Variants in PPIG observed in about 807,000 individuals in gnomAD.
PPIG encodes peptidyl-prolyl cis-trans isomerase G.
A neutral mutation model predicts 87.9 loss-of-function variants in PPIG; 26 were observed. The observed-to-expected ratio is 0.30, with a 90% CI of 0.22 to 0.41. The LOEUF (loss-of-function observed/expected upper bound fraction) is 0.41, where lower values mean the gene tolerates loss of function less well. Among genes scored for constraint, PPIG ranks in the 10% least tolerant of loss-of-function variants. The probability of loss-of-function intolerance (pLI) is 1.00; values close to 1 mark genes in which losing one functional copy is unlikely to be tolerated. For missense variants in PPIG, 722 were observed against 879.4 expected (o/e 0.82, Z 2.26); for synonymous variants, 308 against 276.5 (o/e 1.11, Z -1.13).
chr2:169,623,540 G>A (rs1685808921), intron 9 of PPIG, among the ~76,000 whole-genome samples: 1 of 152,180 alleles, frequency 6.6e-6, no homozygotes, highest in Non-Finnish European at 1.5e-5. Context: ...AGAAGAAATG[G>A]GAGGAGGCAG....
intron 9 of PPIG, among the ~76,000 whole-genome samples, chr2:169,630,085 T>TTA (rs955400506): frequency 2.6e-5 from 4 of 152,132 alleles, no homozygotes; most frequent in African/African-American, 9.6e-5. Context: ...CTAATTCTTG[T>TTA]TATGTTACAC....
intron 1 of PPIG, among the ~76,000 whole-genome samples, chr2:169,595,379 C>T (rs991975957): frequency 1.1e-4 from 17 of 152,122 alleles, no homozygotes; most frequent in Non-Finnish European, 1.5e-4. Context: ...ATGAAGTATC[C>T]GTCTTCTCAA....
chr2:169,636,115 C>T lies in PPIG; in HGVS notation c.1041C>T (p.Ser347=). The T allele has an allele frequency of 6.2e-7, 1 of 1,604,194 alleles. No homozygotes were observed. Among genetic ancestry groups the T allele is most frequent in the Non-Finnish European group, 8.5e-7 (1 of 1,176,634 alleles). ...GPRRYRTPSR[S]RSRDRFRRSE... ...AGCGTTATCGAACTCCTTCCAGATC[C>T]AGATCAAGGGATCGTTTCAGACGTA... Residue 347 remains serine (S), a synonymous_variant, in exon 13 of 14, where the codon TCC becomes TCT. Coordinates refer to ENST00000260970, the MANE Select transcript of PPIG (RefSeq NM_004792.3).
intron 9 of PPIG, among the ~76,000 whole-genome samples, chr2:169,628,379 G>A (rs1391975802): frequency 6.6e-6 from 1 of 152,144 alleles, no homozygotes; most frequent in Admixed American, 6.5e-5. Flanking sequence ...CCATTCTCAA[G>A]TGCAGCAACA....
chr2:169,629,625 G>A (rs1361753666), intron 9 of PPIG, among the ~76,000 whole-genome samples: 4 of 152,166 alleles, frequency 2.6e-5, no homozygotes, highest in Non-Finnish European at 5.9e-5. Flanking sequence ...TCCTTACTGT[G>A]TTATGTAATG....
chr2:169,594,440 C>T (rs1684963410), intron 1 of PPIG, among the ~76,000 whole-genome samples: 1 of 151,768 alleles, frequency 6.6e-6, no homozygotes, highest in South Asian at 2.1e-4. Context: ...AACCCATGGC[C>T]CACACATGAT....
At chr2:169,631,582 GT>G (rs1558901312) in intron 10 of PPIG, 183 bp from the exon 11 acceptor site, 3 of 1,363,964 alleles carry the variant, frequency 2.2e-6, no homozygotes, top group Non-Finnish European at 2.8e-6. Context: ...TGTTTTGTTT[GT>G]TTTTTGATTG....
Position 169,636,567 on chromosome 2 carries a change from G to A in PPIG, c.1309G>A (p.Asp437Asn). Residue 437 changes from aspartate to asparagine, a missense_variant, in exon 14 of 14, where the codon GAC (aspartate) becomes AAC (asparagine). Physicochemically the swap from Asp to Asn is conservative, Grantham distance 23 (BLOSUM62 1). This residue lies in a region of PPIG where 476 missense variants were observed against 483.1 expected (regional missense o/e 0.99). Coordinates refer to ENST00000260970, the MANE Select transcript of PPIG (RefSeq NM_004792.3). ...CCATAAATCTAACAGCAAAGAGAGAGACATCAGAAGAAATTCAGAAAAAGA... is the reference window on the plus strand; with the variant it reads ...CCATAAATCTAACAGCAAAGAGAGAAACATCAGAAGAAATTCAGAAAAAGA... ...KDHKSNSKER[D>N]IRRNSEKDDK... The A allele has an allele frequency of 6.3e-7, 1 of 1,597,594 alleles. No homozygotes were observed. Among genetic ancestry groups the A allele is most frequent in the Non-Finnish European group, 8.5e-7 (1 of 1,175,992 alleles).
At chr2:169,615,160 T>G (rs778673383) in intron 9 of PPIG, among the ~76,000 whole-genome samples, 2 of 152,150 alleles carry the variant, frequency 1.3e-5, no homozygotes, top group African/African-American at 2.4e-5. Flanking sequence ...GCAATTCTCC[T>G]GCCTTAGCCT....
Position 169,633,247 on chromosome 2 carries a change from G to C in PPIG, c.1017G>C (p.Arg339Ser). Residue 339 changes from arginine to serine, a missense_variant and splice_region_variant, in exon 12 of 14, where the codon AGG becomes AGC. This residue lies in a region of PPIG where 476 missense variants were observed against 483.1 expected (regional missense o/e 0.99). Coordinates refer to ENST00000260970, the MANE Select transcript of PPIG (RefSeq NM_004792.3). ...SGRKIKGRGP[R>S]RYRTPSRSRS... ...GGAAAATTAAAGGAAGAGGACCAAG[G>C]GTAGGTGATTCTTTCCCCAGAGATC... 6.3e-7 allele frequency: 1 copy of C among 1,577,110 alleles called. No homozygotes were observed. Among genetic ancestry groups the C allele is most frequent in the Non-Finnish European group, 8.7e-7 (1 of 1,150,002 alleles).
chr2:169,596,099 C>T (rs1323941584), intron 1 of PPIG, among the ~76,000 whole-genome samples: 9 of 143,138 alleles, frequency 6.3e-5, no homozygotes, highest in South Asian at 2.2e-4. Context: ...CCACTGCGCC[C>T]GGCCTTTTTG....
At chr2:169,601,307 A>G (rs1444278095) in intron 1 of PPIG, among the ~76,000 whole-genome samples, 1 of 152,194 alleles carries the variant, frequency 6.6e-6, no homozygotes, top group Non-Finnish European at 1.5e-5. Context: ...CATTCATTTA[A>G]TAAACACTGA....
chr2:169,624,678 C>A (rs1052340627), intron 9 of PPIG, among the ~76,000 whole-genome samples: 1 of 152,160 alleles, frequency 6.6e-6, no homozygotes, highest in African/African-American at 2.4e-5. Flanking sequence ...AGCTCCACCT[C>A]CCTGGTTCAC....
Position 169,630,864 on chromosome 2 carries a change from C to A in PPIG, c.638C>A (p.Ser213Tyr). 1 of 1,612,766 alleles carries A rather than the reference C, an allele frequency of 6.2e-7. No homozygotes were observed. The highest frequency in any genetic ancestry group is 8.5e-7 in the Non-Finnish European group (1 of 1,179,336). The change falls in exon 10 of 14, where the codon TCT becomes TAT. Residue 213 changes from serine to tyrosine, a missense_variant. Ser to Tyr is a moderately radical substitution (Grantham distance 144, BLOSUM62 -2). Around this residue, in one of 4 missense-constraint regions of PPIG, gnomAD observed 142 missense variants for 152.8 expected, o/e 0.93. Transcript: ENST00000260970. Reference sequence around the variant, plus strand: ...GATAGCTCAAGTGATTCTCAGTCCTCTTCTGATTCCTCTGATTCCGAAAGT... The same window carrying A: ...GATAGCTCAAGTGATTCTCAGTCCTATTCTGATTCCTCTGATTCCGAAAGT... ...DSDSSSDSQS[S>Y]SDSSDSESAT...
chr2:169,623,687 A>G (rs1445542803), intron 9 of PPIG, among the ~76,000 whole-genome samples: 2 of 152,190 alleles, frequency 1.3e-5, no homozygotes, highest in African/African-American at 2.4e-5. Flanking sequence ...CTTATTCTGA[A>G]AGTAATTTTG....
chr2:169,638,894 CAATT>C lies in PPIG; in HGVS notation c.*1375_*1378del, dbSNP rs776967879. ...CATTTGAAAAGGAATTTCAAAATTCCAATTAATAGGATTCTCTAGAGAGTTTTGT... is the reference window on the plus strand; with the variant it reads ...CATTTGAAAAGGAATTTCAAAATTCCAATAGGATTCTCTAGAGAGTTTTGT... On this transcript the variant is annotated 3_prime_UTR_variant, in exon 14 of 14. Transcript: ENST00000260970. The C allele has an allele frequency of 1.9e-4, 29 of 151,896 alleles. No individual in the cohort carries two copies. The highest frequency in any genetic ancestry group is 3.1e-4 in the Non-Finnish European group (21 of 67,858). 9.4% of individuals were successfully genotyped at this position (151,896 alleles called of 1,614,324 possible). A position where few individuals can be genotyped will look rare whatever the true frequency, so the allele number is the denominator to read the frequency against.
chr2:169,634,576 C>G (rs1030716479), intron 12 of PPIG, among the ~76,000 whole-genome samples: 1 of 152,130 alleles, frequency 6.6e-6, no homozygotes, highest in African/African-American at 2.4e-5. Flanking sequence ...CAAATCTGAA[C>G]CTTCTTTAGG....
At chr2:169,585,268 G>GTTTTTTTTTTTTTTTTTTTTT (rs1476229562) in intron 1 of PPIG, among the ~76,000 whole-genome samples, 1 of 22,108 alleles carries the variant, frequency 4.5e-5, no homozygotes, top group African/African-American at 1.2e-4. Context: ...TTCTTGGTTA[G>GTTTTTTTTTTTTTTTTTTTTT]TCTTTTTTTT....
At chr2:169,604,328 T>TTTG in intron 4 of PPIG, 67 bp downstream of exon 4, 2 of 43,866 alleles carry the variant, frequency 4.6e-5, no homozygotes, top group Admixed American at 5.5e-4. Flanking sequence ...GCTTGCTTGG[T>TTTG]TTTTTTTTTT....
Sources: gnomAD v4.1 joint callset for allele counts (sites outside exome capture counted in the v4.1 genomes callset) on GRCh38, gnomAD v4.1.1 for gene constraint, gnomAD v4.1.1 regional missense constraint, MANE v1.5 for transcripts, NCBI Gene and HGNC (gene_info 2026-07-23, HGNC 2026-07-21) for gene names.